The following GALNT7 variants were observed in gnomAD, a reference collection of about 807,000 sequenced individuals.
GALNT7 encodes polypeptide N-acetylgalactosaminyltransferase 7, also known as N-acetylgalactosaminyltransferase 7.
In GALNT7, 60 loss-of-function variants were observed where a neutral mutation model predicts 82.1. The observed-to-expected ratio is 0.73, with a 90% confidence interval of 0.59 to 0.91. The LOEUF (loss-of-function observed/expected upper bound fraction) is 0.91. Ranked by LOEUF, GALNT7 falls within the 40% of genes least tolerant of loss-of-function variation. GALNT7 has a pLI of 0.00. For synonymous variants in GALNT7, 243 were observed against 275.1 expected (o/e 0.88, Z 1.15); for missense variants, 660 against 804.2 (o/e 0.82, Z 2.17).
At chr4:173,208,084 G>A (rs201734104) in intron 1 of GALNT7, among the ~76,000 whole-genome samples, 2 of 152,032 alleles carry the variant, frequency 1.3e-5, no homozygotes, top group African/African-American at 4.8e-5. Context: ...CTCTAGGGGA[G>A]GGGACTTGGA....
chr4:173,202,160 T>G (rs1732962851), intron 1 of GALNT7, among the ~76,000 whole-genome samples: 1 of 152,196 alleles, frequency 6.6e-6, no homozygotes, highest in Non-Finnish European at 1.5e-5. Flanking sequence ...AGGGAAGTGC[T>G]TCTGTATTCT....
intron 2 of GALNT7, among the ~76,000 whole-genome samples, chr4:173,286,021 C>A (rs1212007698): frequency 3.3e-5 from 5 of 151,788 alleles, no homozygotes; most frequent in African/African-American, 4.8e-5. Context: ...TGAAAAAAAA[C>A]AACAACAACA....
At position 173,319,563 on chromosome 4, in the gene GALNT7, G is replaced by A. The variant is rs118009486; in HGVS notation, c.1836+1004G>A. ...ATATATAATAGCAATAAATAGTAGG[G>A]GTCAGTGAGAACAATATTAGCAAAA... On this transcript the variant is annotated intron_variant, in intron 11 of 11. Transcript: ENST00000265000. Among the ~76,000 whole-genome samples the A allele has an allele frequency of 1.8e-4, 27 of 152,042 alleles. No individual in the cohort carries two copies. The East Asian group carries it at 5.2e-3, about 29-fold the overall frequency.
chr4:173,216,732 T>TTTTTTTTTTTC (rs1733483927), intron 1 of GALNT7, among the ~76,000 whole-genome samples: 1 of 95,970 alleles, frequency 1.0e-5, no homozygotes, highest in African/African-American at 4.0e-5. Flanking sequence ...TATATATTTT[T>TTTTTTTTTTTC]TTTTTTTTTT....
intron 1 of GALNT7, among the ~76,000 whole-genome samples, chr4:173,229,925 T>G (rs561788821): frequency 2.8e-4 from 42 of 152,296 alleles, no homozygotes; most frequent in African/African-American, 8.4e-4. Context: ...ATGCTTTGAC[T>G]GACACATTGG....
At chr4:173,250,482 T>C (rs56149013) in intron 2 of GALNT7, among the ~76,000 whole-genome samples, 8,115 of 152,062 alleles carry the variant, frequency 0.053, 541 homozygotes, top group African/African-American at 0.16. Context: ...CAAGGCCCCT[T>C]GGTTCTGCCA....
chr4:173,315,922 C>T (rs1737582642), intron 9 of GALNT7: 2 of 152,246 alleles, frequency 1.3e-5, no homozygotes, highest in Admixed American at 6.5e-5. Context: ...GTCTTTGTCT[C>T]GCACTTCATA....
chr4:173,280,890 A>C (rs1736087470), intron 2 of GALNT7, among the ~76,000 whole-genome samples: 2 of 152,206 alleles, frequency 1.3e-5, no homozygotes, highest in African/African-American at 4.8e-5. Context: ...CAGTGGCTTC[A>C]TCTCACAGTG....
At chr4:173,176,299 T>C (rs1732041112) in intron 1 of GALNT7, among the ~76,000 whole-genome samples, 1 of 152,040 alleles carries the variant, frequency 6.6e-6, no homozygotes, top group Admixed American at 6.6e-5. Flanking sequence ...TTTGTTGAGT[T>C]TGGAGGTAGT....
At chr4:173,284,621 G>C (rs1305601936) in intron 2 of GALNT7, among the ~76,000 whole-genome samples, 1 of 151,708 alleles carries the variant, frequency 6.6e-6, no homozygotes, top group African/African-American at 2.4e-5. Flanking sequence ...TTAATTTTGG[G>C]AAGCCTGTGA....
chr4:173,285,804 C>T (rs2126816495), intron 2 of GALNT7, among the ~76,000 whole-genome samples: 1 of 152,184 alleles, frequency 6.6e-6, no homozygotes, highest in South Asian at 2.1e-4. Flanking sequence ...ACAAGCACAG[C>T]CAGAAGACAA....
intron 8 of GALNT7, among the ~76,000 whole-genome samples, chr4:173,308,065 C>T (rs1402558372): frequency 6.6e-6 from 1 of 152,194 alleles, no homozygotes. Context: ...TAGCTATCTC[C>T]TTGTGCCTCA....
intron 3 of GALNT7, among the ~76,000 whole-genome samples, chr4:173,293,506 C>T (rs1736611896): frequency 6.6e-6 from 1 of 152,038 alleles, no homozygotes. Context: ...TGTGTACTTT[C>T]CCTAATATAT....
intron 1 of GALNT7, among the ~76,000 whole-genome samples, chr4:173,178,041 GTGTGTGT>G (rs1732113293): frequency 1.6e-5 from 2 of 122,676 alleles, no homozygotes; most frequent in Non-Finnish European, 3.3e-5. Context: ...GTGTGTGTGT[GTGTGTGT>G]GTGTGCGCGC....
At position 173,320,380 on chromosome 4, in the gene GALNT7, T is replaced by C. The variant is rs1737765783; in HGVS notation, c.1837-1200T>C. Among the ~76,000 whole-genome samples the C allele has an allele frequency of 6.6e-6, 1 of 152,182 alleles. No homozygotes were observed. Among genetic ancestry groups the C allele is most frequent in the Admixed American group, 6.5e-5 (1 of 15,268 alleles). ...CTAAAAGTAATAATAATATACTTAT[T>C]AAACATTAATGTAAATGACATTTTT... On this transcript the variant is annotated intron_variant, in intron 11 of 11. Coordinates refer to ENST00000265000, the MANE Select transcript of GALNT7 (RefSeq NM_017423.3). This position sits in a 1 kb window ranked among gnomAD's most constrained non-coding sequence, Gnocchi z 4.1.
At chr4:173,306,702 C>T (rs1042168737) in intron 8 of GALNT7, among the ~76,000 whole-genome samples, 2 of 152,050 alleles carry the variant, frequency 1.3e-5, no homozygotes, top group South Asian at 4.1e-4. Flanking sequence ...GGGATAAAGC[C>T]CACTTGGTCA....
At chr4:173,176,060 G>A (rs1171322669) in intron 1 of GALNT7, among the ~76,000 whole-genome samples, 4 of 151,242 alleles carry the variant, frequency 2.6e-5, no homozygotes, top group African/African-American at 7.3e-5. Flanking sequence ...GCAACAAAAC[G>A]AGACTCCATC....
At position 173,247,972 on chromosome 4, in the gene GALNT7, T is replaced by C. The variant is rs1734707941; in HGVS notation, c.127-8T>C. On this transcript the variant is annotated splice_polypyrimidine_tract_variant and splice_region_variant and intron_variant, in intron 1 of 11. Coordinates refer to ENST00000265000, the MANE Select transcript of GALNT7 (RefSeq NM_017423.3). ...GTACTCATTGTATATCCCCTCCCTT[T>C]TGTATAGGAAGACAGAGATGTCAAT... 6.3e-7 allele frequency: 1 copy of C among 1,589,334 alleles called. No homozygotes were observed. The highest frequency in any genetic ancestry group is 2.2e-5 in the East Asian group (1 of 44,708).
rs567571465 is a variant in GALNT7, at chr4:173,220,504, A to T, written c.127-27476A>T. Among the ~76,000 whole-genome samples the T allele has an allele frequency of 2.6e-4, 39 of 150,094 alleles. No homozygotes were observed. The East Asian group carries it at 3.6e-3, about 14-fold the overall frequency. On this transcript the variant is annotated intron_variant, in intron 1 of 11. Coordinates refer to ENST00000265000, the MANE Select transcript of GALNT7 (RefSeq NM_017423.3). ...TTTTTGGTTTTATTTCTTTTTTTAA[A>T]AAAATTATTATTATACTTTAAGTTT...
Sources: allele counts gnomAD v4.1 joint callset (sites outside exome capture counted in the v4.1 genomes callset), GRCh38; gene constraint gnomAD v4.1.1; non-coding constraint Gnocchi (gnomAD v3.1); transcripts MANE v1.5; gene names NCBI Gene and HGNC (gene_info 2026-07-23, HGNC 2026-07-21).